The following AGBL4 variants were observed in gnomAD, a reference collection of about 807,000 sequenced individuals.
AGBL4 encodes the protein cytosolic carboxypeptidase 6.
Under a neutral mutation model 66.4 loss-of-function variants are expected in AGBL4, and 58 were observed. That is an observed-to-expected ratio of 0.87 (90% CI 0.71 to 1.09). The LOEUF (loss-of-function observed/expected upper bound fraction) is 1.09, where lower values mean the gene tolerates loss of function less well. AGBL4 is among the 50% of genes least tolerant of loss of function. The probability of loss-of-function intolerance (pLI) is 0.00; values close to 1 mark genes in which losing one functional copy is unlikely to be tolerated. For synonymous variants in AGBL4, 234 were observed against 222.9 expected (o/e 1.05, Z -0.44); for missense variants, 579 against 631.0 (o/e 0.92, Z 0.88).
intron 3 of AGBL4, among the ~76,000 whole-genome samples, chr1:49,565,400 G>A (rs1166552871): frequency 6.6e-6 from 1 of 152,148 alleles, no homozygotes; most frequent in African/African-American, 2.4e-5. Context: ...TCCTAGCCTT[G>A]ATGGTCTTTA....
intron 1 of AGBL4, among the ~76,000 whole-genome samples, chr1:49,964,778 T>C (rs1657417756): frequency 6.6e-6 from 1 of 152,120 alleles, no homozygotes; most frequent in South Asian, 2.1e-4. Flanking sequence ...AAAAAAATGT[T>C]TCTAGAAAAA....
intron 4 of AGBL4, among the ~76,000 whole-genome samples, chr1:49,163,509 C>T (rs1051623275): frequency 2.6e-5 from 4 of 152,138 alleles, no homozygotes; most frequent in East Asian, 1.9e-4. Flanking sequence ...ATATTGTTAG[C>T]GTATGTTTAC....
intron 3 of AGBL4, among the ~76,000 whole-genome samples, chr1:49,685,656 A>T (rs892843570): frequency 1.3e-5 from 2 of 152,182 alleles, no homozygotes; most frequent in African/African-American, 4.8e-5. Context: ...ATGATCAAGG[A>T]TGTTGAGCAT....
intron 6 of AGBL4, chr1:48,776,735 CA>C: frequency 1.3e-6 from 2 of 1,528,266 alleles, no homozygotes; most frequent in African/African-American, 1.4e-5. Context: ...TTCTGGTTGT[CA>C]AAATCCAGCC....
chr1:49,571,719 G>A (rs1644335527), intron 3 of AGBL4, among the ~76,000 whole-genome samples: 1 of 151,926 alleles, frequency 6.6e-6, no homozygotes, highest in African/African-American at 2.4e-5. Flanking sequence ...TTAGTATATG[G>A]CCTTTATTAT....
chr1:49,203,102 A>AAG, intron 4 of AGBL4, among the ~76,000 whole-genome samples: 1 of 151,170 alleles, frequency 6.6e-6, no homozygotes. Flanking sequence ...AAAAAAAAAA[A>AAG]AGAAACAAAC....
intron 3 of AGBL4, among the ~76,000 whole-genome samples, chr1:49,506,174 C>T (rs971200718): frequency 6.6e-6 from 1 of 151,774 alleles, no homozygotes; most frequent in African/African-American, 2.4e-5. Flanking sequence ...CTATATAGCA[C>T]ATATTTTAAG....
chr1:49,011,629 C>G (rs1477090240), intron 5 of AGBL4, among the ~76,000 whole-genome samples: 1 of 152,038 alleles, frequency 6.6e-6, no homozygotes, highest in Non-Finnish European at 1.5e-5. Flanking sequence ...TTGGAACCAA[C>G]CCAAATGTCC....
intron 1 of AGBL4, among the ~76,000 whole-genome samples, chr1:49,937,351 A>T (rs1654183345): frequency 6.6e-6 from 1 of 152,032 alleles, no homozygotes; most frequent in African/African-American, 2.4e-5. Flanking sequence ...AAGTCCTTAG[A>T]GACCTACAAA....
chr1:49,987,226 AGAG>A (rs1241845590), intron 1 of AGBL4, among the ~76,000 whole-genome samples: 1 of 152,100 alleles, frequency 6.6e-6, no homozygotes, highest in African/African-American at 2.4e-5. Flanking sequence ...AATGTCAAGA[AGAG>A]GCAGAAAAAC....
intron 2 of AGBL4, among the ~76,000 whole-genome samples, chr1:49,740,226 CA>C (rs1228441728): frequency 6.6e-6 from 1 of 151,406 alleles, no homozygotes; most frequent in East Asian, 1.9e-4. Context: ...AAATGGAAAA[CA>C]AAAAAAGGCA....
In AGBL4 at chr1:49,197,257, G is replaced by A. The variant is rs141015027; in HGVS notation, c.377+48513C>T. Among the ~76,000 whole-genome samples the A allele has an allele frequency of 2.0e-4, 31 of 152,276 alleles. No homozygotes were observed. The East Asian group carries it at 5.8e-3, about 28-fold the overall frequency. On this transcript the variant is annotated intron_variant, in intron 4 of 13. Transcript: ENST00000371839. ...GCTTTCCCAAATGCCAGTTTTATGAGTGTTGTATCATGCTCGTGGTTTACC... is the reference window on the plus strand; with the variant it reads ...GCTTTCCCAAATGCCAGTTTTATGAATGTTGTATCATGCTCGTGGTTTACC...
At chr1:48,921,336 G>T (rs1654057436) in intron 5 of AGBL4, among the ~76,000 whole-genome samples, 1 of 152,220 alleles carries the variant, frequency 6.6e-6, no homozygotes, top group Admixed American at 6.5e-5. Context: ...GGACACTGGA[G>T]ATGCAAATTC....
intron 3 of AGBL4, among the ~76,000 whole-genome samples, chr1:49,636,146 A>C (rs1393449990): frequency 6.6e-6 from 1 of 152,188 alleles, no homozygotes; most frequent in Non-Finnish European, 1.5e-5. Flanking sequence ...CAGAGAGTAG[A>C]ATGGATAAAC....
chr1:48,711,613 G>T (rs1361063150), intron 6 of AGBL4, among the ~76,000 whole-genome samples: 1 of 152,140 alleles, frequency 6.6e-6, no homozygotes, highest in African/African-American at 2.4e-5. Context: ...GATCTGCACG[G>T]TGTTGCCTGC....
chr1:49,384,287 G>T (rs959882135), intron 3 of AGBL4, among the ~76,000 whole-genome samples: 1 of 151,910 alleles, frequency 6.6e-6, no homozygotes, highest in Non-Finnish European at 1.5e-5. Context: ...AGAGACAATT[G>T]TGAAAAGAAG....
chr1:49,844,783 C>T, intron 2 of AGBL4: 1 of 1,579,476 alleles, frequency 6.3e-7, no homozygotes, highest in Admixed American at 1.7e-5. Context: ...AGAAAGATTC[C>T]TCTGGGATGG....
chr1:49,237,896 C>A (rs1173587374), intron 4 of AGBL4, among the ~76,000 whole-genome samples: 1 of 151,766 alleles, frequency 6.6e-6, no homozygotes, highest in Non-Finnish European at 1.5e-5. Context: ...AGTCTGCTGG[C>A]AAAAATACCT....
At chr1:50,022,613 ACCACACAC>A (rs1662527865) in intron 1 of AGBL4, among the ~76,000 whole-genome samples, 1 of 88,668 alleles carries the variant, frequency 1.1e-5, no homozygotes, top group Non-Finnish European at 2.1e-5. Flanking sequence ...ATGTACCATA[ACCACACAC>A]ACACACACAC....
Sources: gnomAD v4.1 joint callset for allele counts (sites outside exome capture counted in the v4.1 genomes callset) on GRCh38, gnomAD v4.1.1 for gene constraint, MANE v1.5 for transcripts, NCBI Gene and HGNC (gene_info 2026-07-23, HGNC 2026-07-21) for gene names.